MARK3: variants seen among roughly 807,000 people sequenced by gnomAD.
MARK3 encodes MAP/microtubule affinity-regulating kinase 3.
In MARK3, 46 loss-of-function variants were observed where a neutral mutation model predicts 90.1. The observed-to-expected ratio is 0.51, with a 90% CI of 0.40 to 0.65. The LOEUF is 0.65. MARK3 is among the 30% of genes least tolerant of loss of function. The pLI is 0.00. For missense variants in MARK3, 818 were observed against 947.2 expected, an observed-to-expected ratio of 0.86 and a Z score of 1.79; for synonymous variants, 321 against 332.6, an observed-to-expected ratio of 0.97 and a Z score of 0.38.
chr14:103,435,726 T>C (rs572639428), intron 3 of MARK3, among the ~76,000 whole-genome samples: 8 of 149,052 alleles, frequency 5.4e-5, no homozygotes, highest in African/African-American at 2.0e-4. Context: ...TTTTATTGAT[T>C]GAGTGATTGA....
At chr14:103,462,844 TCCTCAG>T (rs1459634752) in intron 7 of MARK3, among the ~76,000 whole-genome samples, 1 of 152,142 alleles carries the variant, frequency 6.6e-6, no homozygotes, top group African/African-American at 2.4e-5. Flanking sequence ...TCTTTCAAGG[TCCTCAG>T]CCTCTGCCCT....
At chr14:103,392,771 C>T (rs1016664024) in intron 1 of MARK3, among the ~76,000 whole-genome samples, 19 of 151,830 alleles carry the variant, frequency 1.3e-4, no homozygotes, top group Non-Finnish European at 2.1e-4. Flanking sequence ...TAGAGTATCT[C>T]ATTTAAAATA....
rs753840343 is a variant in MARK3, at chr14:103,491,109, T to A, written c.1587-668T>A. The A allele has an allele frequency of 2.4e-6, 3 of 1,254,414 alleles. No individual in the cohort carries two copies. In the South Asian group the frequency reaches 3.9e-5, roughly 16 times the overall value. The allele number at this position is 1,254,414 out of a possible 1,614,324, so 77.7% of individuals were successfully genotyped here. Reference sequence around the variant, plus strand: ...TGAAGGAGATAACTTCAAGGCTATGTAAGAAAAATGCACATTCTTTGTGAA... The same window carrying A: ...TGAAGGAGATAACTTCAAGGCTATGAAAGAAAAATGCACATTCTTTGTGAA... On this transcript the variant is annotated intron_variant, in intron 14 of 17. Coordinates refer to ENST00000429436, the MANE Select transcript of MARK3 (RefSeq NM_001128918.3).
At chr14:103,459,816 CAATT>C (rs1041635863) in intron 6 of MARK3, among the ~76,000 whole-genome samples, 5 of 151,612 alleles carry the variant, frequency 3.3e-5, no homozygotes, top group African/African-American at 1.2e-4. Context: ...AATGTGGCCT[CAATT>C]TCTGTGCTTT....
intron 14 of MARK3, chr14:103,491,075 A>G: frequency 7.8e-7 from 1 of 1,284,502 alleles, no homozygotes; most frequent in Non-Finnish European, 1.0e-6. Flanking sequence ...TGTTACCTCC[A>G]ATAGACAGTG....
intron 12 of MARK3, among the ~76,000 whole-genome samples, chr14:103,468,995 C>T (rs1327196924): frequency 2.0e-5 from 3 of 151,946 alleles, no homozygotes; most frequent in Non-Finnish European, 4.4e-5. Flanking sequence ...CTCTCTTCAC[C>T]TCTGCATTGG....
chr14:103,442,280 G>A (rs541698729), intron 3 of MARK3, among the ~76,000 whole-genome samples: 9 of 151,786 alleles, frequency 5.9e-5, no homozygotes, highest in South Asian at 2.1e-4. Context: ...TGAGGCAGGA[G>A]AATGGTGTGA....
At chr14:103,500,057 T>G in intron 16 of MARK3, 99 bp from the exon 17 acceptor site, 1 of 913,438 alleles carries the variant, frequency 1.1e-6, no homozygotes. Context: ...GCTTTGTTCA[T>G]TTTATGGTGT....
intron 2 of MARK3, among the ~76,000 whole-genome samples, chr14:103,427,821 GCCA>G (rs2092460394): frequency 6.6e-6 from 1 of 152,104 alleles, no homozygotes; most frequent in Non-Finnish European, 1.5e-5. Flanking sequence ...CACTTTCATC[GCCA>G]TCTTGGTTTT....
At chr14:103,400,249 A>C (rs1043984100) in intron 1 of MARK3, among the ~76,000 whole-genome samples, 1 of 152,116 alleles carries the variant, frequency 6.6e-6, no homozygotes, top group Non-Finnish European at 1.5e-5. Context: ...TGATAAACAA[A>C]GGCATTACCA....
intron 1 of MARK3, among the ~76,000 whole-genome samples, chr14:103,398,048 A>G (rs929710639): frequency 6.6e-6 from 1 of 152,174 alleles, no homozygotes. Flanking sequence ...TGCGCTTAAT[A>G]TATTGCATCT....
chr14:103,498,302 T>C (rs531053343), intron 15 of MARK3, among the ~76,000 whole-genome samples, 200 bp from the exon 16 acceptor site: 4 of 152,296 alleles, frequency 2.6e-5, no homozygotes, highest in East Asian at 1.9e-4. Context: ...TTTTTTGATA[T>C]ATTAAAAGAT....
chr14:103,434,587 T>C (rs372850891), intron 3 of MARK3, among the ~76,000 whole-genome samples: 1 of 152,218 alleles, frequency 6.6e-6, no homozygotes, highest in East Asian at 1.9e-4. Flanking sequence ...TGAATGTCTC[T>C]GGTTGTGGCA....
chr14:103,471,906 T>C (rs1178607589), intron 12 of MARK3, among the ~76,000 whole-genome samples: 1 of 152,180 alleles, frequency 6.6e-6, no homozygotes, highest in African/African-American at 2.4e-5. Flanking sequence ...TGAATTCTAA[T>C]TGGAGTTAAG....
At chr14:103,417,089 G>A (rs1371476215) in intron 2 of MARK3, among the ~76,000 whole-genome samples, 5 of 152,186 alleles carry the variant, frequency 3.3e-5, no homozygotes, top group Non-Finnish European at 5.9e-5. Context: ...TCAGCATGGC[G>A]TTGTGCTACT....
chr14:103,460,671 G>T (rs368694576), intron 6 of MARK3, among the ~76,000 whole-genome samples: 4 of 152,250 alleles, frequency 2.6e-5, no homozygotes, highest in East Asian at 3.9e-4. Context: ...AATCAAATCT[G>T]CTTCAAAAGC....
At chr14:103,428,573 A>T in intron 3 of MARK3, 133 bp downstream of exon 3, 1 of 608,698 alleles carries the variant, frequency 1.6e-6, no homozygotes, top group Non-Finnish European at 2.9e-6. Context: ...AAATGAATGC[A>T]ACTTAATGTA....
At chr14:103,480,918 C>G (rs557928335) in intron 14 of MARK3, among the ~76,000 whole-genome samples, 196 of 152,312 alleles carry the variant, frequency 1.3e-3, no homozygotes, top group African/African-American at 4.4e-3. Flanking sequence ...TAAAGGTCCG[C>G]AGTTTACCAA....
intron 2 of MARK3, among the ~76,000 whole-genome samples, chr14:103,410,381 A>G (rs1595525537): frequency 6.6e-6 from 1 of 152,354 alleles, no homozygotes; most frequent in South Asian, 2.1e-4. Flanking sequence ...CTGCAACAGC[A>G]ATTACGTTTC....
Sources: gnomAD v4.1 joint callset for allele counts (sites outside exome capture counted in the v4.1 genomes callset) on GRCh38, gnomAD v4.1.1 for gene constraint, MANE v1.5 for transcripts, NCBI Gene and HGNC (gene_info 2026-07-23, HGNC 2026-07-21) for gene names.